KCNH7: variants seen among roughly 807,000 people sequenced by gnomAD.
The protein encoded by KCNH7 is potassium voltage-gated channel subfamily H member 7.
In KCNH7, 49 loss-of-function variants were observed where a neutral mutation model predicts 120.8. The ratio of observed to expected loss-of-function variants is 0.41; its 90% CI spans 0.32 to 0.51. The LOEUF (loss-of-function observed/expected upper bound fraction) is 0.51. Among genes scored for constraint, KCNH7 ranks in the 20% least tolerant of loss-of-function variants. KCNH7 has a pLI of 0.38. For synonymous variants in KCNH7, 547 were observed against 516.1 expected, an observed-to-expected ratio of 1.06 and a Z score of -0.81; for missense variants, 1,097 against 1,446.6, an observed-to-expected ratio of 0.76 and a Z score of 3.92.
At chr2:162,410,657 A>G (rs1687364019) in intron 9 of KCNH7, among the ~76,000 whole-genome samples, 1 of 152,156 alleles carries the variant, frequency 6.6e-6, no homozygotes, top group Admixed American at 6.6e-5. Context: ...CAGAGTAAAC[A>G]GAAAACCTAC....
intron 9 of KCNH7, among the ~76,000 whole-genome samples, chr2:162,406,820 A>G (rs1161405668): frequency 6.6e-6 from 1 of 152,034 alleles, no homozygotes; most frequent in African/African-American, 2.4e-5. Flanking sequence ...ACGTCCCAAC[A>G]TAATGGATTC....
At chr2:162,446,706 C>T (rs1310186073) in intron 6 of KCNH7, among the ~76,000 whole-genome samples, 1 of 152,014 alleles carries the variant, frequency 6.6e-6, no homozygotes, top group African/African-American at 2.4e-5. Context: ...CACTGAGATA[C>T]TGAGGAATGT....
intron 2 of KCNH7, among the ~76,000 whole-genome samples, chr2:162,788,190 T>A (rs895958530): frequency 4.6e-5 from 7 of 152,338 alleles, no homozygotes; most frequent in Middle Eastern, 6.8e-3. Context: ...ACAAACAGTC[T>A]CTGATTTATG....
At chr2:162,642,038 G>T (rs1292136409) in intron 2 of KCNH7, among the ~76,000 whole-genome samples, 1 of 152,112 alleles carries the variant, frequency 6.6e-6, no homozygotes, top group African/African-American at 2.4e-5. Flanking sequence ...CCACTCAGAG[G>T]ACATATTTCA....
chr2:162,738,144 T>C (rs1160661299), intron 2 of KCNH7, among the ~76,000 whole-genome samples: 3 of 151,774 alleles, frequency 2.0e-5, no homozygotes, highest in African/African-American at 7.3e-5. Flanking sequence ...AGAATCTTTC[T>C]GTGTAAGTTT....
chr2:162,651,262 A>G (rs1446683884), intron 2 of KCNH7, among the ~76,000 whole-genome samples: 3 of 152,222 alleles, frequency 2.0e-5, no homozygotes, highest in Non-Finnish European at 4.4e-5. Context: ...GGTTTGCTAC[A>G]TAGGTAAATT....
At chr2:162,736,021 T>C (rs980444524) in intron 2 of KCNH7, among the ~76,000 whole-genome samples, 11 of 152,176 alleles carry the variant, frequency 7.2e-5, no homozygotes, top group Non-Finnish European at 1.2e-4. Flanking sequence ...GTTTAGGTAA[T>C]GTCTGGTGGA....
At position 162,482,965 on chromosome 2, in the gene KCNH7, G is replaced by A. The variant is rs143367721; in HGVS notation, c.1128+21478C>T. Among the ~76,000 whole-genome samples, 311 of 152,160 alleles carry A rather than the reference G, an allele frequency of 2.0e-3. 1 individual carries two copies. The highest frequency in any genetic ancestry group is 7.0e-3 in the African/African-American group (291 of 41,520). Reference sequence around the variant, plus strand: ...TTACCTGCTGTAACTGAAAATTCTTGGAACTATTATGCACCAGTAATTATA... The same window carrying A: ...TTACCTGCTGTAACTGAAAATTCTTAGAACTATTATGCACCAGTAATTATA... On this transcript the variant is annotated intron_variant, in intron 6 of 15. Coordinates refer to ENST00000332142, the MANE Select transcript of KCNH7 (RefSeq NM_033272.4).
chr2:162,484,236 CACACACACACACAGAGAG>C (rs1176924422), intron 6 of KCNH7, among the ~76,000 whole-genome samples: 1 of 150,576 alleles, frequency 6.6e-6, no homozygotes, highest in African/African-American at 2.4e-5. Flanking sequence ...CACACACACA[CACACACACACACAGAGAG>C]ACACACACAC....
intron 2 of KCNH7, among the ~76,000 whole-genome samples, chr2:162,712,173 A>G (rs1425597754): frequency 2.0e-5 from 3 of 152,172 alleles, no homozygotes; most frequent in East Asian, 1.9e-4. Context: ...AATTCTTGGC[A>G]TCTTTAGAAT....
At chr2:162,678,123 A>G (rs182374268) in intron 2 of KCNH7, among the ~76,000 whole-genome samples, 6 of 151,492 alleles carry the variant, frequency 4.0e-5, no homozygotes, top group Non-Finnish European at 7.4e-5. Context: ...ACGTGTGTGT[A>G]TGTGTCTGTG....
At position 162,552,529 on chromosome 2, in the gene KCNH7, A is replaced by G. The variant is rs376415970; in HGVS notation, c.308-15449T>C. The stretch of plus-strand genomic sequence containing the variant: ...TTCCTCTGTCATACAGATTCTGAAT[A>G]ATTCCAGTGCTGTGGAAATGAAAGA... On this transcript the variant is annotated intron_variant, in intron 2 of 15. Transcript: ENST00000332142. Among the ~76,000 whole-genome samples the G allele has an allele frequency of 1.7e-4, 26 of 152,346 alleles. No individual in the cohort carries two copies. In the East Asian group the frequency reaches 4.8e-3, roughly 28 times the overall value.
chr2:162,387,216 C>T (rs1230028171), intron 12 of KCNH7, among the ~76,000 whole-genome samples: 3 of 148,488 alleles, frequency 2.0e-5, no homozygotes, highest in Non-Finnish European at 3.0e-5. Flanking sequence ...ACTGAAACAG[C>T]ATTTTTCCAT....
At position 162,820,033 on chromosome 2, in the gene KCNH7, C is replaced by CTTTTT. The variant is rs66809770; in HGVS notation, c.307+16499_307+16503dup. 5.5e-3 allele frequency among the ~76,000 whole-genome samples: 422 copies of CTTTTT among 77,014 alleles called. 7 individuals carry two copies. Among genetic ancestry groups the CTTTTT allele is most frequent in the South Asian group, 0.014 (24 of 1,682 alleles). The allele number at this position is 77,014 out of a possible 152,430, so 50.5% of individuals were successfully genotyped here. On this transcript the variant is annotated intron_variant, in intron 2 of 15. Coordinates refer to ENST00000332142, the MANE Select transcript of KCNH7 (RefSeq NM_033272.4). ...TTCGGGTATTTCTTTATTCCATAAACTTTTTTTTTTTTTTTTTTTTTTTTG... is the reference window on the plus strand; with the variant it reads ...TTCGGGTATTTCTTTATTCCATAAACTTTTTTTTTTTTTTTTTTTTTTTTTTTTTG...
intron 6 of KCNH7, among the ~76,000 whole-genome samples, chr2:162,499,433 A>G (rs1690603615): frequency 6.6e-6 from 1 of 152,136 alleles, no homozygotes; most frequent in Non-Finnish European, 1.5e-5. Flanking sequence ...ACTGCACATC[A>G]GCCTTTACTG....
intron 2 of KCNH7, among the ~76,000 whole-genome samples, chr2:162,638,542 T>C (rs771197212): frequency 1.1e-4 from 17 of 151,980 alleles, no homozygotes; most frequent in Non-Finnish European, 2.1e-4. Flanking sequence ...GTTGATGAAA[T>C]AGTAATAAAG....
chr2:162,567,112 A>T (rs569785459), intron 2 of KCNH7, among the ~76,000 whole-genome samples: 1 of 152,168 alleles, frequency 6.6e-6, no homozygotes, highest in South Asian at 2.1e-4. Flanking sequence ...TCCAAAGACA[A>T]TATTGGAATA....
chr2:162,632,065 TTGGAGAGGAAGG>T (rs1683786777), intron 2 of KCNH7, among the ~76,000 whole-genome samples: 1 of 151,920 alleles, frequency 6.6e-6, no homozygotes, highest in Non-Finnish European at 1.5e-5. Context: ...TGTATAAATG[TTGGAGAGGAAGG>T]AAAAAAGCTG....
At chr2:162,735,453 C>G (rs1687872199) in intron 2 of KCNH7, among the ~76,000 whole-genome samples, 1 of 152,144 alleles carries the variant, frequency 6.6e-6, no homozygotes, top group African/African-American at 2.4e-5. Context: ...AGTCACATAA[C>G]CAGAAGTGAC....
Sources: gnomAD v4.1 joint callset for allele counts (sites outside exome capture counted in the v4.1 genomes callset) on GRCh38, gnomAD v4.1.1 for gene constraint, MANE v1.5 for transcripts, NCBI Gene and HGNC (gene_info 2026-07-23, HGNC 2026-07-21) for gene names.